NUDCD2: variants seen among roughly 807,000 people sequenced by gnomAD.
NUDCD2 encodes nudC domain-containing protein 2.
NUDCD2 carries 16 observed loss-of-function variants against 20.8 expected under a neutral mutation model. The observed-to-expected ratio is 0.77, with a 90% CI of 0.52 to 1.17. The LOEUF is 1.17. Among genes scored for constraint, NUDCD2 ranks in the 50% most tolerant of loss-of-function variants. The pLI, the probability that NUDCD2 is intolerant of heterozygous loss-of-function variation, is 0.00. For synonymous variants in NUDCD2, 87 were observed against 72.8 expected (o/e 1.20, Z -1.00); for missense variants, 199 against 193.9 (o/e 1.03, Z -0.16).
chr5:163,453,017 C>T lies in NUDCD2; in HGVS notation c.*950G>A, dbSNP rs1758214670. ...GGATTAGAGGGTAGTAATGTGTCAA[C>T]GTAAATTTCCTGATTCTAATGGTTG... On this transcript the variant is annotated 3_prime_UTR_variant, in exon 4 of 4. Transcript: ENST00000302764. The T allele has an allele frequency of 1.3e-5, 2 of 152,202 alleles. No homozygotes were observed. The highest frequency in any genetic ancestry group is 2.4e-5 in the African/African-American group (1 of 41,532). 9.4% of individuals were successfully genotyped at this position (152,202 alleles called of 1,614,324 possible).
At chr5:163,454,730 C>T (rs1007105297) in intron 3 of NUDCD2, among the ~76,000 whole-genome samples, 2 of 152,158 alleles carry the variant, frequency 1.3e-5, no homozygotes, top group African/African-American at 4.8e-5. Flanking sequence ...CACAACAGTC[C>T]TGTGAAGTAC....
chr5:163,454,494 A>G (rs1357760090), intron 3 of NUDCD2, among the ~76,000 whole-genome samples: 1 of 152,104 alleles, frequency 6.6e-6, no homozygotes, highest in East Asian at 1.9e-4. Flanking sequence ...GGCATGTACC[A>G]CCATGCCTGG....
chr5:163,458,878 G>C (rs1478317210), intron 1 of NUDCD2: 2 of 152,192 alleles, frequency 1.3e-5, no homozygotes, highest in Non-Finnish European at 2.9e-5. Context: ...AAAAGTAACT[G>C]AGATCCAAGC....
In NUDCD2 at chr5:163,452,352, G is replaced by A. The variant is rs1451268707; in HGVS notation, c.*1615C>T. The A allele has an allele frequency of 6.6e-6, 1 of 152,148 alleles. No homozygotes were observed. Among genetic ancestry groups the A allele is most frequent in the African/African-American group, 2.4e-5 (1 of 41,426 alleles). 9.4% of individuals were successfully genotyped at this position (152,148 alleles called of 1,614,324 possible). ...TGATTCTTGGGTTAGGTCGAGGACAGCATGAGAAGCCTGGTATATCTTATG... is the reference window on the plus strand; with the variant it reads ...TGATTCTTGGGTTAGGTCGAGGACAACATGAGAAGCCTGGTATATCTTATG... On this transcript the variant is annotated 3_prime_UTR_variant, in exon 4 of 4. Transcript: ENST00000302764.
rs765376918 is a variant in NUDCD2 at position 163,457,602 on chromosome 5, G to A, written c.198C>T (p.Leu66=). 1.0e-5 allele frequency: 16 copies of A among 1,583,016 alleles called. No homozygotes were observed. Among genetic ancestry groups the A allele is most frequent in the Admixed American group, 1.7e-5 (1 of 59,858 alleles). ...VGGREILKGK[L]FDSTIADEGT... is the part of the protein sequence containing the mutation. ...CCTCATCAGCTATTGTAGAATCAAAGAGTTTGCCCTGAAAAATAAACATAT... is the reference window on the plus strand; with the variant it reads ...CCTCATCAGCTATTGTAGAATCAAAAAGTTTGCCCTGAAAAATAAACATAT... The change falls in exon 2 of 4, where the codon CTC becomes CTT. Residue 66 remains leucine, a synonymous_variant. Coordinates refer to ENST00000302764, the MANE Select transcript of NUDCD2 (RefSeq NM_145266.6).
In NUDCD2 at chr5:163,451,461, G is replaced by C. The variant is rs1328012175; in HGVS notation, c.*2506C>G. 6.6e-6 allele frequency: 1 copy of C among 152,100 alleles called. No homozygotes were observed. The highest frequency in any genetic ancestry group is 2.4e-5 in the African/African-American group (1 of 41,408). The allele number at this position is 152,100 out of a possible 1,614,324, so 9.4% of individuals were successfully genotyped here. A position where few individuals can be genotyped will look rare whatever the true frequency, so the allele number is the denominator to read the frequency against. On this transcript the variant is annotated 3_prime_UTR_variant, in exon 4 of 4. Coordinates refer to ENST00000302764, the MANE Select transcript of NUDCD2 (RefSeq NM_145266.6). The stretch of plus-strand genomic sequence containing the variant: ...TGAACTCTTCAATACTCTGACTGTG[G>C]AGGTGTTTACACATATCTATACTTA...
Position 163,450,465 on chromosome 5 carries a change from T to C in NUDCD2, c.*3502A>G, listed in dbSNP as rs1464702447. 6.6e-6 allele frequency: 1 copy of C among 152,186 alleles called. No individual in the cohort carries two copies. Among genetic ancestry groups the C allele is most frequent in the East Asian group, 1.9e-4 (1 of 5,200 alleles). 9.4% of individuals were successfully genotyped at this position (152,186 alleles called of 1,614,324 possible). On this transcript the variant is annotated 3_prime_UTR_variant, in exon 4 of 4. Transcript: ENST00000302764. ...GTAAGAGACTTGTACCCAGAATATA[T>C]AAAGACTCTTACTACCCAATAAGAC...
chr5:163,452,486 AT>A lies in NUDCD2; in HGVS notation c.*1480del. On this transcript the variant is annotated 3_prime_UTR_variant, in exon 4 of 4. Transcript: ENST00000302764. The stretch of plus-strand genomic sequence containing the variant: ...AAATGTACAATAATTTTGAGCACCA[AT>A]GTAATGATAATAGGTTTTTTAACCT... 6.6e-6 allele frequency: 1 copy of A among 150,454 alleles called. No homozygotes were observed. The highest frequency in any genetic ancestry group is 1.9e-4 in the East Asian group (1 of 5,184). The allele number at this position is 150,454 out of a possible 1,614,324, so 9.3% of individuals were successfully genotyped here.
chr5:163,452,516 GAATAA>G lies in NUDCD2; in HGVS notation c.*1446_*1450del, dbSNP rs1384428814. The G allele has an allele frequency of 6.6e-6, 1 of 152,006 alleles. No individual in the cohort carries two copies. The highest frequency in any genetic ancestry group is 1.5e-5 in the Non-Finnish European group (1 of 67,962). The allele number at this position is 152,006 out of a possible 1,614,324, so 9.4% of individuals were successfully genotyped here. A position where few individuals can be genotyped will look rare whatever the true frequency, so the allele number is the denominator to read the frequency against. On this transcript the variant is annotated 3_prime_UTR_variant, in exon 4 of 4. Coordinates refer to ENST00000302764, the MANE Select transcript of NUDCD2 (RefSeq NM_145266.6). ...ATGATAATAGGTTTTTTAACCTGCT[GAATAA>G]AATAGAAAATAATGAGTTTATAGAG...
At chr5:163,454,852 A>G (rs1758263736) in intron 3 of NUDCD2, among the ~76,000 whole-genome samples, 1 of 151,394 alleles carries the variant, frequency 6.6e-6, no homozygotes, top group African/African-American at 2.5e-5. Flanking sequence ...AGAGTGAAAA[A>G]AAACAAAAAT....
At position 163,452,553 on chromosome 5, in the gene NUDCD2, T is replaced by TA. The variant is rs919420135; in HGVS notation, c.*1413dup. On this transcript the variant is annotated 3_prime_UTR_variant, in exon 4 of 4. Coordinates refer to ENST00000302764, the MANE Select transcript of NUDCD2 (RefSeq NM_145266.6). ...AAATAATGAGTTTATAGAGATACGA[T>TA]AAATTTAAAGTCTGATCAGAAACAA... 13 of 152,280 alleles carry TA rather than the reference T, an allele frequency of 8.5e-5. 1 individual carries two copies. In the South Asian group the frequency reaches 1.9e-3, roughly 22 times the overall value. The allele number at this position is 152,280 out of a possible 1,614,324, so 9.4% of individuals were successfully genotyped here.
intron 3 of NUDCD2, among the ~76,000 whole-genome samples, chr5:163,454,922 AC>A (rs1299388472): frequency 6.6e-6 from 1 of 152,224 alleles, no homozygotes; most frequent in Non-Finnish European, 1.5e-5. Flanking sequence ...ATCAACCAGT[AC>A]AGGGGCTGGC....
rs779578470 is a variant in NUDCD2 at position 163,448,668 on chromosome 5, A to C, written c.*5299T>G. The C allele has an allele frequency of 1.1e-4, 16 of 152,214 alleles. No homozygotes were observed. Among genetic ancestry groups the C allele is most frequent in the Non-Finnish European group, 1.9e-4 (13 of 68,040 alleles). 9.4% of individuals were successfully genotyped at this position (152,214 alleles called of 1,614,324 possible). On this transcript the variant is annotated 3_prime_UTR_variant, in exon 4 of 4. Transcript: ENST00000302764. ...ACCATACCAAGATAAAGATAACACAAGGAAAAAACAAACAAAAACAATTGC... is the reference window on the plus strand; with the variant it reads ...ACCATACCAAGATAAAGATAACACACGGAAAAAACAAACAAAAACAATTGC...
rs570465420 is a variant in NUDCD2, at chr5:163,457,435, G to A, written c.238+127C>T. ...CCACTAGGTAACTTTGACATACAAC[G>A]GTTTTCAACACATTTCTATTGCTTT... On this transcript the variant is annotated intron_variant, in intron 2 of 3. Transcript: ENST00000302764. 2.2e-4 allele frequency: 140 copies of A among 650,032 alleles called. 1 individual carries two copies. The highest frequency in any genetic ancestry group is 3.6e-4 in the Middle Eastern group (1 of 2,758). 40.3% of individuals were successfully genotyped at this position (650,032 alleles called of 1,614,324 possible).
At chr5:163,459,270 T>C (rs1758408792) in intron 1 of NUDCD2, 1 of 152,170 alleles carries the variant, frequency 6.6e-6, no homozygotes, top group African/African-American at 2.4e-5. Context: ...CGGGTCCAGA[T>C]CCAAAGAGCA....
chr5:163,447,866 A>G lies in NUDCD2; in HGVS notation c.*6101T>C, dbSNP rs1204977233. On this transcript the variant is annotated 3_prime_UTR_variant, in exon 4 of 4. Coordinates refer to ENST00000302764, the MANE Select transcript of NUDCD2 (RefSeq NM_145266.6). Reference sequence around the variant, plus strand: ...TGATACTACAGGGAAGTCTTAAAAAATATTTTAAAATAAATGAAAATATCA... The same window carrying G: ...TGATACTACAGGGAAGTCTTAAAAAGTATTTTAAAATAAATGAAAATATCA... 1 of 152,264 alleles carries G rather than the reference A, an allele frequency of 6.6e-6. No individual in the cohort carries two copies. Among genetic ancestry groups the G allele is most frequent in the Admixed American group, 6.5e-5 (1 of 15,292 alleles). The allele number at this position is 152,264 out of a possible 1,614,324, so 9.4% of individuals were successfully genotyped here.
At position 163,450,799 on chromosome 5, in the gene NUDCD2, C is replaced by T. The variant is rs1000128828; in HGVS notation, c.*3168G>A. On this transcript the variant is annotated 3_prime_UTR_variant, in exon 4 of 4. Transcript: ENST00000302764. ...ATAGTTATCATATAACCTAAAAATTCTACTCCTAGGTAAGAAATGAAAACA... is the reference window on the plus strand; with the variant it reads ...ATAGTTATCATATAACCTAAAAATTTTACTCCTAGGTAAGAAATGAAAACA... 1.3e-5 allele frequency: 2 copies of T among 152,208 alleles called. No homozygotes were observed. Among genetic ancestry groups the T allele is most frequent in the African/African-American group, 2.4e-5 (1 of 41,458 alleles). The allele number at this position is 152,208 out of a possible 1,614,324, so 9.4% of individuals were successfully genotyped here. A position where few individuals can be genotyped will look rare whatever the true frequency, so the allele number is the denominator to read the frequency against.
chr5:163,454,257 A>G (rs1443371546), intron 3 of NUDCD2, among the ~76,000 whole-genome samples: 2 of 152,236 alleles, frequency 1.3e-5, no homozygotes, highest in Non-Finnish European at 2.9e-5. Context: ...TCATATGTAC[A>G]CTACAATGTT....
Position 163,460,012 on chromosome 5 carries a change from C to T in NUDCD2, c.39G>A (p.Pro13=), listed in dbSNP as rs1381051028. ...APFEERSGVV[P]CGTPWGQWYQ... is the part of the protein sequence containing the mutation. ...ACCACTGGCCCCACGGGGTCCCGCACGGTACCACCCCACTCCGCTCCTCAA... is the reference window on the plus strand; with the variant it reads ...ACCACTGGCCCCACGGGGTCCCGCATGGTACCACCCCACTCCGCTCCTCAA... The change falls in exon 1 of 4, where the codon CCG becomes CCA. Residue 13 remains proline, a synonymous_variant. Transcript: ENST00000302764. 11 of 1,610,564 alleles carry T rather than the reference C, an allele frequency of 6.8e-6. No individual in the cohort carries two copies. Among genetic ancestry groups the T allele is most frequent in the Non-Finnish European group, 7.6e-6 (9 of 1,178,606 alleles).
Sources: gnomAD v4.1 joint callset for allele counts (sites outside exome capture counted in the v4.1 genomes callset) on GRCh38, gnomAD v4.1.1 for gene constraint, MANE v1.5 for transcripts, NCBI Gene and HGNC (gene_info 2026-07-23, HGNC 2026-07-21) for gene names.